The following KNDC1 variants were observed in gnomAD, a reference collection of about 807,000 sequenced individuals.
KNDC1 encodes kinase non-catalytic C-lobe domain-containing protein 1.
KNDC1 carries 106 observed loss-of-function variants against 172.8 expected under a neutral mutation model. The observed-to-expected ratio is 0.61, with a 90% CI of 0.52 to 0.72. KNDC1 has a LOEUF of 0.72. Ranked by LOEUF, KNDC1 falls within the 30% of genes least tolerant of loss-of-function variation. KNDC1 has a pLI of 0.00. For missense variants in KNDC1, 2,325 were observed against 2,394.5 expected, an observed-to-expected ratio of 0.97 and a Z score of 0.61; for synonymous variants, 1,083 against 1,062.2, an observed-to-expected ratio of 1.02 and a Z score of -0.38.
Position 133,201,489 on chromosome 10 carries a change from C to T in KNDC1, c.2990-12C>T, listed in dbSNP as rs1178375177. 6.3e-7 allele frequency: 1 copy of T among 1,581,960 alleles called. No homozygotes were observed. The highest frequency in any genetic ancestry group is 2.2e-5 in the East Asian group (1 of 44,652). On this transcript the variant is annotated splice_polypyrimidine_tract_variant and intron_variant, in intron 16 of 29. Transcript: ENST00000304613. ...GCCACTGTCCACGTAACCTGCGTCTCTTTCTTTCAAGGAAAAGAGAAGCCA... is the reference window on the plus strand; with the variant it reads ...GCCACTGTCCACGTAACCTGCGTCTTTTTCTTTCAAGGAAAAGAGAAGCCA...
chr10:133,219,889 C>T (rs1845546671), intron 28 of KNDC1, 66 bp from the exon 29 acceptor site: 1 of 1,464,356 alleles, frequency 6.8e-7, no homozygotes. Context: ...GCGCTGGCCC[C>T]GGCTGAGGCT....
chr10:133,185,745 G>C (rs1405951673), intron 5 of KNDC1, among the ~76,000 whole-genome samples: 1 of 148,816 alleles, frequency 6.7e-6, no homozygotes, highest in Non-Finnish European at 1.5e-5. Context: ...CCTCTAATTA[G>C]CCAGGATGAC....
At position 133,199,222 on chromosome 10, in the gene KNDC1, C is replaced by T. The variant is rs1396960359; in HGVS notation, c.2714C>T (p.Ala905Val). 6.4e-7 allele frequency: 1 copy of T among 1,573,282 alleles called. No homozygotes were observed. The highest frequency in any genetic ancestry group is 8.6e-7 in the Non-Finnish European group (1 of 1,159,192). ...ACGCGCCTCATCCAGGAGGAATTTG[C>T]CTTCGATGGCTACCTGGACAATGGG... ...EATRLIQEEFAFDGYLDNGLE... is the reference protein window; with the variant it reads ...EATRLIQEEFVFDGYLDNGLE... The change falls in exon 14 of 30, where the codon GCC (alanine) becomes GTC (valine). Residue 905 changes from alanine (A) to valine (V), a missense_variant. Physicochemically the swap from Ala to Val is moderately conservative, Grantham distance 64. Transcript: ENST00000304613.
At chr10:133,208,949 G>C (rs574406621) in intron 20 of KNDC1, among the ~76,000 whole-genome samples, 114 of 152,164 alleles carry the variant, frequency 7.5e-4, no homozygotes, top group African/African-American at 2.6e-3. Context: ...GTAAGCACAC[G>C]CATGTGTGGC....
At chr10:133,164,718 C>T (rs750763460) in intron 1 of KNDC1, among the ~76,000 whole-genome samples, 3 of 152,268 alleles carry the variant, frequency 2.0e-5, no homozygotes, top group Non-Finnish European at 4.4e-5. Context: ...TCCAAGGGCC[C>T]CTTCTGGAGG....
intron 25 of KNDC1, 25 bp downstream of exon 25, chr10:133,213,752 G>C: frequency 1.2e-6 from 2 of 1,608,776 alleles, no homozygotes; most frequent in Middle Eastern, 1.7e-4. Flanking sequence ...CCCTCAGCTG[G>C]GAGCGGTGGT....
At chr10:133,221,606 G>C (rs1423769891) in intron 29 of KNDC1, among the ~76,000 whole-genome samples, 1 of 152,234 alleles carries the variant, frequency 6.6e-6, no homozygotes, top group Non-Finnish European at 1.5e-5. Context: ...CCCCACGGTA[G>C]ATGGCCTCAC....
chr10:133,194,394 T>G (rs1304250722), intron 9 of KNDC1, among the ~76,000 whole-genome samples: 3 of 152,238 alleles, frequency 2.0e-5, no homozygotes, highest in Non-Finnish European at 2.9e-5. Flanking sequence ...AGGATTTTTG[T>G]GCCAATGGCG....
chr10:133,201,586 G>GT lies in KNDC1; in HGVS notation c.3076dup (p.Ser1026PhefsTer24). 6.2e-7 allele frequency: 1 copy of GT among 1,613,100 alleles called. No homozygotes were observed. The highest frequency in any genetic ancestry group is 8.5e-7 in the Non-Finnish European group (1 of 1,179,982). Reference sequence around the variant, plus strand: ...TGTCGGATGTGGACTCGGACGCACTGTCACGGGGAAACTTCGAGGTGGGGT... The same window carrying GT: ...TGTCGGATGTGGACTCGGACGCACTGTTCACGGGGAAACTTCGAGGTGGGGT... On this transcript the variant is annotated frameshift_variant, in exon 17 of 30. Coordinates refer to ENST00000304613, the MANE Select transcript of KNDC1 (RefSeq NM_152643.8). LOFTEE classifies it high-confidence loss of function.
intron 3 of KNDC1, among the ~76,000 whole-genome samples, chr10:133,175,472 G>A (rs1162752291): frequency 6.6e-6 from 1 of 151,164 alleles, no homozygotes; most frequent in South Asian, 2.1e-4. Context: ...AGATGAACAG[G>A]TGGATGGGTG....
chr10:133,187,525 C>T (rs1853954247), intron 6 of KNDC1, among the ~76,000 whole-genome samples: 1 of 152,258 alleles, frequency 6.6e-6, no homozygotes, highest in Non-Finnish European at 1.5e-5. Flanking sequence ...CTCAAGCCAC[C>T]AGGCCTCGTT....
chr10:133,167,069 C>T, intron 1 of KNDC1: 1 of 439,044 alleles, frequency 2.3e-6, no homozygotes, highest in Admixed American at 3.6e-5. Flanking sequence ...GGTCGGGGTG[C>T]TCCACGGAGC....
In KNDC1 at chr10:133,224,860, G is replaced by A. The variant is rs1589782151; in HGVS notation, c.5220G>A (p.Lys1740=). The change falls in exon 30 of 30, where the codon AAG becomes AAA. Residue 1740 remains lysine, a synonymous_variant. Coordinates refer to ENST00000304613, the MANE Select transcript of KNDC1 (RefSeq NM_152643.8). This position sits in a 1 kb window ranked among gnomAD's most constrained non-coding sequence, Gnocchi z 5.4. ...AGCACTCACGGAAGATTCAGGACAAGCTACGGAGGATGAAGGCTACATTCC... is the reference window on the plus strand; with the variant it reads ...AGCACTCACGGAAGATTCAGGACAAACTACGGAGGATGAAGGCTACATTCC... ...SEKHSRKIQD[K]LRRMKATFQ 1.2e-6 allele frequency: 2 copies of A among 1,613,932 alleles called. No homozygotes were observed. The highest frequency in any genetic ancestry group is 1.7e-6 in the Non-Finnish European group (2 of 1,179,974).
At chr10:133,175,732 G>T (rs1443286658) in intron 3 of KNDC1, among the ~76,000 whole-genome samples, 1 of 151,498 alleles carries the variant, frequency 6.6e-6, no homozygotes, top group Admixed American at 6.6e-5. Flanking sequence ...GGATGGATGG[G>T]TGAATGGACG....
At position 133,218,873 on chromosome 10, in the gene KNDC1, T is replaced by C. The variant is rs1391005977; in HGVS notation, c.4720T>C (p.Ser1574Pro). The C allele has an allele frequency of 1.2e-6, 2 of 1,613,660 alleles. No homozygotes were observed. The highest frequency in any genetic ancestry group is 1.7e-6 in the Non-Finnish European group (2 of 1,179,682). The change falls in exon 27 of 30, where the codon TCT (serine) becomes CCT (proline). Residue 1574 changes from serine (S) to proline (P), a missense_variant. By Grantham distance (74) the Ser-to-Pro change is moderately conservative. Transcript: ENST00000304613. ...GTCCAAATTTTTGCTGATTGCAAAATCTTGCTATGAGCAGAGAAACTTCGC... is the reference window on the plus strand; with the variant it reads ...GTCCAAATTTTTGCTGATTGCAAAACCTTGCTATGAGCAGAGAAACTTCGC... ...LLSKFLLIAKSCYEQRNFATA... is the reference protein window; with the variant it reads ...LLSKFLLIAKPCYEQRNFATA...
intron 3 of KNDC1, among the ~76,000 whole-genome samples, chr10:133,170,576 CTCT>C (rs1853346484): frequency 6.6e-6 from 1 of 152,226 alleles, no homozygotes; most frequent in Non-Finnish European, 1.5e-5. Flanking sequence ...TGCGTTCTGT[CTCT>C]TCATGTTTAT....
chr10:133,167,500 C>T lies in KNDC1; in HGVS notation c.222C>T (p.Ile74=), dbSNP rs769239403. The stretch of plus-strand genomic sequence containing the variant: ...TGCGGAGCGTGGCCCACGCCGCCAT[C>T]TTCCAGAGCCTGTGCATCACGCCCG... ...LSMRSVAHAA[I]FQSLCITPDT... The change falls in exon 2 of 30, where the codon ATC becomes ATT. Residue 74 remains isoleucine (I), a synonymous_variant. Transcript: ENST00000304613. 2 of 1,605,434 alleles carry T rather than the reference C, an allele frequency of 1.2e-6. No individual in the cohort carries two copies. Among genetic ancestry groups the T allele is most frequent in the Non-Finnish European group, 1.7e-6 (2 of 1,176,722 alleles).
chr10:133,199,344 C>T, intron 14 of KNDC1, 78 bp downstream of exon 14: 2 of 1,559,400 alleles, frequency 1.3e-6, no homozygotes, highest in South Asian at 2.5e-5. Flanking sequence ...CCGCCCCACG[C>T]CCTTCCCCCA....
At chr10:133,199,387 A>T (rs375097297) in intron 14 of KNDC1, 71 bp from the exon 15 acceptor site, 77 of 1,582,118 alleles carry the variant, frequency 4.9e-5, no homozygotes, top group Non-Finnish European at 6.5e-5. Context: ...TGTCCGTTTC[A>T]TCAGCCACAA....
Sources: gnomAD v4.1 joint callset for allele counts (sites outside exome capture counted in the v4.1 genomes callset) on GRCh38, gnomAD v4.1.1 for gene constraint, Gnocchi (gnomAD v3.1) non-coding constraint, MANE v1.5 for transcripts, NCBI Gene and HGNC (gene_info 2026-07-23, HGNC 2026-07-21) for gene names.